Variants in CSGALNACT1 observed in about 807,000 individuals in gnomAD.
CSGALNACT1 encodes chondroitin sulfate N-acetylgalactosaminyltransferase 1, also known as beta4GalNAcT-1.
In CSGALNACT1, 52 loss-of-function variants were observed where a neutral mutation model predicts 51.0. The ratio of observed to expected loss-of-function variants is 1.02; its 90% CI spans 0.82 to 1.29. The LOEUF (loss-of-function observed/expected upper bound fraction) is 1.29. CSGALNACT1 is among the 50% of genes most tolerant of loss of function. CSGALNACT1 has a pLI of 0.00. For synonymous variants in CSGALNACT1, 341 were observed against 254.4 expected (o/e 1.34, Z -3.24); for missense variants, 935 against 679.2 (o/e 1.38, Z -4.19).
exon 4 of CSGALNACT1, chr8:19,505,382 A>G: frequency 6.2e-7 from 1 of 1,614,194 alleles, no homozygotes; most frequent in Non-Finnish European, 8.5e-7. Context: ...TCTGTAGAGT[A>G]AAGCTATCGA....
chr8:19,440,020 G>T, intron 5 of CSGALNACT1, 89 bp from the exon 5 acceptor site: 2 of 1,076,774 alleles, frequency 1.9e-6, no homozygotes, highest in Non-Finnish European at 2.8e-6. Flanking sequence ...AGTGCAAAAG[G>T]GTCTTGAAGG....
chr8:19,515,811 C>A (rs183960474), intron 3 of CSGALNACT1, among the ~76,000 whole-genome samples: 1 of 152,162 alleles, frequency 6.6e-6, no homozygotes, highest in African/African-American at 2.4e-5. Flanking sequence ...CCGTCTAGTC[C>A]CATTCCTTAC....
intron 4 of CSGALNACT1, among the ~76,000 whole-genome samples, chr8:19,479,108 C>T (rs1037670362): frequency 3.9e-5 from 6 of 152,158 alleles, no homozygotes; most frequent in Non-Finnish European, 7.3e-5. Context: ...TGTTATGATG[C>T]GATGAAGCAG....
intron 6 of CSGALNACT1, among the ~76,000 whole-genome samples, chr8:19,431,423 C>G (rs2059633841): frequency 6.6e-6 from 1 of 151,752 alleles, no homozygotes; most frequent in African/African-American, 2.4e-5. Flanking sequence ...TTGAGATGGT[C>G]ATGTGATTTT....
At chr8:19,593,455 G>A (rs2048258269) in intron 2 of CSGALNACT1, among the ~76,000 whole-genome samples, 1 of 152,358 alleles carries the variant, frequency 6.6e-6, no homozygotes, top group South Asian at 2.1e-4. Flanking sequence ...TAGGTCTGGA[G>A]TGGGGCCTGG....
chr8:19,648,156 C>G (rs184046358), intron 1 of CSGALNACT1, among the ~76,000 whole-genome samples: 6 of 152,352 alleles, frequency 3.9e-5, no homozygotes, highest in African/African-American at 1.4e-4. Context: ...CACTAGACCA[C>G]TTACTTGCTC....
chr8:19,541,710 C>A (rs370849645), intron 3 of CSGALNACT1, among the ~76,000 whole-genome samples: 46 of 151,798 alleles, frequency 3.0e-4, no homozygotes, highest in Middle Eastern at 3.4e-3. Flanking sequence ...CTGGCTGATA[C>A]ATTCTTTATT....
At chr8:19,631,311 C>T (rs1240511107) in intron 1 of CSGALNACT1, among the ~76,000 whole-genome samples, 1 of 152,066 alleles carries the variant, frequency 6.6e-6, no homozygotes, top group Non-Finnish European at 1.5e-5. Context: ...CCATTTTGCA[C>T]TCCCACCAGC....
chr8:19,737,621 CA>C (rs1374729503), intron 1 of CSGALNACT1, among the ~76,000 whole-genome samples: 2 of 151,256 alleles, frequency 1.3e-5, no homozygotes, highest in African/African-American at 4.9e-5. Flanking sequence ...GCACTCAATT[CA>C]AAGGAAGGAA....
intron 3 of CSGALNACT1, among the ~76,000 whole-genome samples, chr8:19,528,717 C>A (rs1342507928): frequency 6.6e-6 from 1 of 152,280 alleles, no homozygotes; most frequent in East Asian, 1.9e-4. Context: ...GGATACCTCA[C>A]GACTTCCCAT....
At chr8:19,456,177 T>C (rs188464876) in intron 5 of CSGALNACT1, among the ~76,000 whole-genome samples, 47 of 152,352 alleles carry the variant, frequency 3.1e-4, no homozygotes, top group Admixed American at 9.2e-4. Flanking sequence ...ATTGCTATTG[T>C]TAATTGCTTA....
intron 3 of CSGALNACT1, among the ~76,000 whole-genome samples, chr8:19,577,983 C>T (rs774329179): frequency 6.6e-6 from 1 of 152,134 alleles, no homozygotes; most frequent in Non-Finnish European, 1.5e-5. Flanking sequence ...ATAACTGGAT[C>T]CCATAGGTGT....
At chr8:19,523,695 A>C (rs1475645754) in intron 3 of CSGALNACT1, among the ~76,000 whole-genome samples, 1 of 152,206 alleles carries the variant, frequency 6.6e-6, no homozygotes, top group East Asian at 1.9e-4. Context: ...ATATCTATTA[A>C]ATGCTTACTG....
chr8:19,505,015 G>C (rs909522976), intron 4 of CSGALNACT1, among the ~76,000 whole-genome samples, 186 bp downstream of exon 3: 1 of 152,178 alleles, frequency 6.6e-6, no homozygotes, highest in Non-Finnish European at 1.5e-5. Context: ...CCATGAGAAA[G>C]TAAGTGGAAA....
intron 3 of CSGALNACT1, among the ~76,000 whole-genome samples, chr8:19,524,253 C>A (rs537203905): frequency 6.6e-6 from 1 of 152,064 alleles, no homozygotes; most frequent in East Asian, 1.9e-4. Context: ...ACCATCTCAC[C>A]CCAGCCTGGG....
At chr8:19,600,448 G>T (rs375946788) in intron 2 of CSGALNACT1, among the ~76,000 whole-genome samples, 1 of 152,032 alleles carries the variant, frequency 6.6e-6, no homozygotes, top group Non-Finnish European at 1.5e-5. Flanking sequence ...ACTAATTATG[G>T]TCTACATGGG....
chr8:19,449,412 C>T (rs1171962218), intron 5 of CSGALNACT1, among the ~76,000 whole-genome samples: 1 of 152,174 alleles, frequency 6.6e-6, no homozygotes, highest in Non-Finnish European at 1.5e-5. Context: ...ACATCATTTT[C>T]CTGTTGGGGA....
intron 3 of CSGALNACT1, among the ~76,000 whole-genome samples, chr8:19,584,093 A>C (rs2046146945): frequency 6.6e-6 from 1 of 152,258 alleles, no homozygotes; most frequent in South Asian, 2.1e-4. Context: ...ACACTGAAGT[A>C]ACAAAGTAAG....
Position 19,659,610 on chromosome 8 carries a change from G to C in CSGALNACT1, c.-544+22863C>G, listed in dbSNP as rs150874176. Among the ~76,000 whole-genome samples the C allele has an allele frequency of 2.4e-3, 372 of 152,338 alleles. 3 individuals are homozygous for C. The highest frequency in any genetic ancestry group is 4.2e-3 in the Non-Finnish European group (284 of 68,036). On this transcript the variant is annotated intron_variant, in intron 1 of 9. Transcript: ENST00000332246. ...CTGGATCACATAAGTTACCACGAAA[G>C]TGCTTTTCAACAAAATCAGGTATCA... is the stretch of plus-strand genomic sequence containing the variant.
Sources: gnomAD v4.1 joint callset for allele counts (sites outside exome capture counted in the v4.1 genomes callset) on GRCh38, gnomAD v4.1.1 for gene constraint, MANE v1.5 for transcripts, NCBI Gene and HGNC (gene_info 2026-07-23, HGNC 2026-07-21) for gene names.